Variants in ZNF704 observed in about 807,000 individuals in gnomAD.
ZNF704 encodes glucocorticoid induced gene 1.
ZNF704 carries 10 observed loss-of-function variants against 44.7 expected under a neutral mutation model. The ratio of observed to expected loss-of-function variants is 0.22; its 90% CI spans 0.14 to 0.38. The LOEUF (loss-of-function observed/expected upper bound fraction) is 0.38, where lower values mean the gene tolerates loss of function less well. Ranked by LOEUF, ZNF704 falls within the 10% of genes least tolerant of loss-of-function variation. The pLI is 1.00. For synonymous variants in ZNF704, 211 were observed against 207.6 expected, an observed-to-expected ratio of 1.02 and a Z score of -0.14; for missense variants, 390 against 545.5, an observed-to-expected ratio of 0.71 and a Z score of 2.84.
At chr8:80,674,301 C>T (rs535578118) in intron 4 of ZNF704, among the ~76,000 whole-genome samples, 4 of 152,296 alleles carry the variant, frequency 2.6e-5, no homozygotes, top group South Asian at 4.1e-4. Context: ...CTATTTTATT[C>T]AAAGCATATA....
chr8:80,784,253 T>TAA (rs1007881604), intron 2 of ZNF704, among the ~76,000 whole-genome samples: 3 of 152,202 alleles, frequency 2.0e-5, no homozygotes, highest in Non-Finnish European at 2.9e-5. Context: ...GGTGTGGATA[T>TAA]AAGTTTTTAA....
chr8:80,826,240 G>C (rs13272724), intron 1 of ZNF704, among the ~76,000 whole-genome samples: 25,943 of 152,046 alleles, frequency 0.17, 2,852 homozygotes, highest in East Asian at 0.29. Flanking sequence ...AAATCATAAA[G>C]GAGATATCAC....
At chr8:80,820,477 C>A (rs1808250614) in intron 2 of ZNF704, among the ~76,000 whole-genome samples, 1 of 152,066 alleles carries the variant, frequency 6.6e-6, no homozygotes, top group South Asian at 2.1e-4. Flanking sequence ...TAAAGTAGAT[C>A]TATCATACAA....
At chr8:80,823,964 G>A (rs200448164) in intron 1 of ZNF704, among the ~76,000 whole-genome samples, 1 of 152,122 alleles carries the variant, frequency 6.6e-6, no homozygotes, top group African/African-American at 2.4e-5. Flanking sequence ...AACCACAAAG[G>A]TGGGGAGAAA....
intron 1 of ZNF704, among the ~76,000 whole-genome samples, chr8:80,857,333 A>G (rs1007285087): frequency 6.6e-6 from 1 of 152,148 alleles, no homozygotes; most frequent in East Asian, 1.9e-4. Flanking sequence ...ACCTTTTGCT[A>G]TTAAATGTGA....
intron 1 of ZNF704, among the ~76,000 whole-genome samples, chr8:80,838,770 G>A (rs1377713053): frequency 6.6e-6 from 1 of 151,268 alleles, no homozygotes; most frequent in Admixed American, 6.6e-5. Flanking sequence ...CACCCGAGGT[G>A]GCAATGGAGG....
At chr8:80,738,739 G>T (rs978659222) in intron 2 of ZNF704, among the ~76,000 whole-genome samples, 1 of 152,146 alleles carries the variant, frequency 6.6e-6, no homozygotes, top group Non-Finnish European at 1.5e-5. Flanking sequence ...TCCCAGATAT[G>T]TATCTGTCAC....
rs765187914 is a variant in ZNF704, at chr8:80,643,080, G to A, written c.1082C>T (p.Ala361Val). 6 of 1,605,196 alleles carry A rather than the reference G, an allele frequency of 3.7e-6. No individual in the cohort carries two copies. Among genetic ancestry groups the A allele is most frequent in the South Asian group, 1.1e-5 (1 of 89,142 alleles). ...PVGTGEQRQHAHTVLSSPPRG... is the reference protein window; with the variant it reads ...PVGTGEQRQHVHTVLSSPPRG... ...GGGTGGGGAGGACAGGACCGTGTGC[G>A]CATGCTGTCTCTGCTCTCCTGTGCC... The change falls in exon 8 of 9, where the codon GCG becomes GTG. Residue 361 changes from alanine to valine, a missense_variant. Physicochemically the swap from Ala to Val is moderately conservative, Grantham distance 64 (BLOSUM62 0). This residue lies in a region of ZNF704 where 305 missense variants were observed against 435.7 expected (regional missense o/e 0.70). Transcript: ENST00000327835.
rs1279210967 is a variant in ZNF704, at chr8:80,654,584, G to A, written c.1032+5001C>T. On this transcript the variant is annotated intron_variant, in intron 7 of 8. Transcript: ENST00000327835. ...ACATTTATGCGGCCAAAAGACACAT[G>A]AAAAAATGTTCATCATCACTGGCCA... is the stretch of plus-strand genomic sequence containing the variant. Among the ~76,000 whole-genome samples the A allele has an allele frequency of 5.3e-5, 8 of 152,284 alleles. No individual in the cohort carries two copies. In the East Asian group the frequency reaches 9.7e-4, roughly 18 times the overall value.
chr8:80,635,246 T>A lies in ZNF704; in HGVS notation c.*6120A>T, dbSNP rs1163758454. On this transcript the variant is annotated 3_prime_UTR_variant, in exon 9 of 9. Coordinates refer to ENST00000327835, the MANE Select transcript of ZNF704 (RefSeq NM_001033723.3). ...TTATGAAATGGTTTTGGCAAAGCTC[T>A]GAATTATTTGTACAGTTTTAATAAA... 6.6e-6 allele frequency: 1 copy of A among 152,234 alleles called. No individual in the cohort carries two copies. Among genetic ancestry groups the A allele is most frequent in the African/African-American group, 2.4e-5 (1 of 41,470 alleles). The allele number at this position is 152,234 out of a possible 1,614,324, so 9.4% of individuals were successfully genotyped here. A position where few individuals can be genotyped will look rare whatever the true frequency, so the allele number is the denominator to read the frequency against.
At chr8:80,796,078 G>A (rs964875712) in intron 2 of ZNF704, among the ~76,000 whole-genome samples, 23 of 152,132 alleles carry the variant, frequency 1.5e-4, no homozygotes, top group Admixed American at 2.6e-4. Flanking sequence ...AAATGAAACC[G>A]GGTGTCTTAG....
rs534573234 is a variant in ZNF704 at position 80,749,975 on chromosome 8, G to A, written c.222-56868C>T. Among the ~76,000 whole-genome samples the A allele has an allele frequency of 2.6e-4, 39 of 152,156 alleles. 1 individual carries two copies. Among genetic ancestry groups the A allele is most frequent in the Admixed American group, 2.6e-3 (39 of 15,282 alleles). ...TCTCCCCTCACCTACACTGTGTAAG[G>A]TGTTTGCCTTCTCACAGAATCACCT... is the stretch of plus-strand genomic sequence containing the variant. On this transcript the variant is annotated intron_variant, in intron 2 of 8. Transcript: ENST00000327835.
chr8:80,861,803 C>T (rs774754908), intron 1 of ZNF704, among the ~76,000 whole-genome samples: 6 of 151,576 alleles, frequency 4.0e-5, no homozygotes, highest in African/African-American at 1.2e-4. Context: ...GCCTACCTGA[C>T]GTCTCCATTT....
At position 80,636,665 on chromosome 8, in the gene ZNF704, GA is replaced by G. The variant is rs1817666893; in HGVS notation, c.*4700del. 2 of 152,184 alleles carry G rather than the reference GA, an allele frequency of 1.3e-5. No individual in the cohort carries two copies. Among genetic ancestry groups the G allele is most frequent in the African/African-American group, 4.8e-5 (2 of 41,438 alleles). 9.4% of individuals were successfully genotyped at this position (152,184 alleles called of 1,614,324 possible). A position where few individuals can be genotyped will look rare whatever the true frequency, so the allele number is the denominator to read the frequency against. On this transcript the variant is annotated 3_prime_UTR_variant, in exon 9 of 9. Transcript: ENST00000327835. ...TCTTAGAGAAATGAAATTTCCAGTTGACCCGTGTGCCCAGGGCATTCTCCAA... is the reference window on the plus strand; with the variant it reads ...TCTTAGAGAAATGAAATTTCCAGTTGCCCGTGTGCCCAGGGCATTCTCCAA...
At chr8:80,783,064 A>G (rs1411665542) in intron 2 of ZNF704, among the ~76,000 whole-genome samples, 2 of 152,078 alleles carry the variant, frequency 1.3e-5, no homozygotes, top group Admixed American at 1.3e-4. Context: ...ATAATGGGTC[A>G]GGGCTATAAA....
At chr8:80,832,830 A>G (rs1808492522) in intron 1 of ZNF704, among the ~76,000 whole-genome samples, 1 of 152,194 alleles carries the variant, frequency 6.6e-6, no homozygotes, top group African/African-American at 2.4e-5. Flanking sequence ...GAAAAAGTTT[A>G]TAAAATTTTT....
At chr8:80,733,134 T>C (rs1223253554) in intron 2 of ZNF704, among the ~76,000 whole-genome samples, 1 of 152,106 alleles carries the variant, frequency 6.6e-6, no homozygotes, top group Non-Finnish European at 1.5e-5. Context: ...TTAATTTCAG[T>C]TTTTGAATTT....
chr8:80,799,337 T>C (rs1366779898), intron 2 of ZNF704, among the ~76,000 whole-genome samples: 1 of 152,256 alleles, frequency 6.6e-6, no homozygotes, highest in East Asian at 1.9e-4. Flanking sequence ...GAATTGAATT[T>C]CTCTTTTAAT....
intron 7 of ZNF704, among the ~76,000 whole-genome samples, chr8:80,649,156 G>C (rs558404061): frequency 6.6e-6 from 1 of 152,280 alleles, no homozygotes; most frequent in Admixed American, 6.5e-5. Context: ...TTGTTGGTTA[G>C]GTGTGACCTC....
Sources: allele counts gnomAD v4.1 joint callset (sites outside exome capture counted in the v4.1 genomes callset), GRCh38; gene constraint gnomAD v4.1.1; regional missense constraint gnomAD v4.1.1; transcripts MANE v1.5; gene names NCBI Gene and HGNC (gene_info 2026-07-23, HGNC 2026-07-21).